The following SLC4A4 variants were observed in gnomAD, a reference collection of about 807,000 sequenced individuals.
SLC4A4 encodes solute carrier family 4 member 4.
A neutral mutation model predicts 111.5 loss-of-function variants in SLC4A4; 27 were observed. That is an observed-to-expected ratio of 0.24 (90% CI 0.18 to 0.33). SLC4A4 has a LOEUF of 0.33. Among genes scored for constraint, SLC4A4 ranks in the 10% least tolerant of loss-of-function variants. The probability of loss-of-function intolerance (pLI) is 1.00; values close to 1 mark genes in which losing one functional copy is unlikely to be tolerated. For synonymous variants in SLC4A4, 443 were observed against 463.4 expected, an observed-to-expected ratio of 0.96 and a Z score of 0.57; for missense variants, 909 against 1,315.5, an observed-to-expected ratio of 0.69 and a Z score of 4.78.
At chr4:71,213,727 T>C (rs554088002) in intron 1 of SLC4A4, among the ~76,000 whole-genome samples, 1 of 152,128 alleles carries the variant, frequency 6.6e-6, no homozygotes, top group Non-Finnish European at 1.5e-5. Flanking sequence ...AATTAGGTTA[T>C]GAGGGTGGAG....
intron 1 of SLC4A4, among the ~76,000 whole-genome samples, chr4:71,193,394 C>T (rs938530585): frequency 2.0e-5 from 3 of 152,168 alleles, no homozygotes; most frequent in East Asian, 1.9e-4. Context: ...CTCCTGACCT[C>T]GTGATCCGCC....
chr4:71,419,248 C>T (rs1722131934), intron 7 of SLC4A4, among the ~76,000 whole-genome samples: 1 of 152,228 alleles, frequency 6.6e-6, no homozygotes, highest in Non-Finnish European at 1.5e-5. Context: ...ACATTTAAGT[C>T]TGCAGAGGTT....
chr4:71,184,582 C>T (rs1745394281), upstream of SLC4A4, among the ~76,000 whole-genome samples: 1 of 152,174 alleles, frequency 6.6e-6, no homozygotes, highest in African/African-American at 2.4e-5. Flanking sequence ...CTTACTTACA[C>T]CATTTTTCTA....
intron 3 of SLC4A4, among the ~76,000 whole-genome samples, chr4:71,309,204 G>A (rs1308203345): frequency 6.6e-6 from 1 of 152,218 alleles, no homozygotes; most frequent in Non-Finnish European, 1.5e-5. Context: ...AAAGGCAAGA[G>A]CCCCAGTCAG....
intron 18 of SLC4A4, among the ~76,000 whole-genome samples, chr4:71,537,319 C>G (rs74916794): frequency 7.7e-5 from 1 of 12,978 alleles, no homozygotes; most frequent in Non-Finnish European, 3.0e-4. Context: ...ACACATATGT[C>G]TACATATATG....
At chr4:71,397,901 G>A (rs1307869452) in intron 7 of SLC4A4, among the ~76,000 whole-genome samples, 2 of 152,178 alleles carry the variant, frequency 1.3e-5, no homozygotes, top group Non-Finnish European at 2.9e-5. Flanking sequence ...AGCAATAGTT[G>A]TCTCAGCTTT....
Position 71,171,404 on chromosome 4 carries a change from A to G in SLC4A4, c.-1-65172A>G, listed in dbSNP as rs553249434. Among the ~76,000 whole-genome samples, 37 of 152,004 alleles carry G rather than the reference A, an allele frequency of 2.4e-4. No individual in the cohort carries two copies. In the East Asian group the frequency reaches 6.4e-3, roughly 26 times the overall value. On this transcript the variant is annotated intron_variant, in intron 2 of 26. Transcript: ENST00000649996. The stretch of plus-strand genomic sequence containing the variant: ...GCATAGGCCTAAGCCTAGTTACAGA[A>G]CCCTGGCTTCGTAACTTTGGTACTT...
chr4:71,068,615 C>T (rs1367579344), intron 1 of SLC4A4, among the ~76,000 whole-genome samples: 3 of 150,872 alleles, frequency 2.0e-5, no homozygotes, highest in African/African-American at 4.9e-5. Context: ...GCTAGGGTGG[C>T]GGGATCACCG....
At chr4:71,349,226 T>C (rs1026200618) in intron 4 of SLC4A4, among the ~76,000 whole-genome samples, 2 of 152,208 alleles carry the variant, frequency 1.3e-5, no homozygotes, top group Non-Finnish European at 2.9e-5. Context: ...ATATCTCATA[T>C]TATCAGAATA....
At chr4:71,299,781 G>A (rs116384027) in intron 3 of SLC4A4, among the ~76,000 whole-genome samples, 93 of 152,318 alleles carry the variant, frequency 6.1e-4, no homozygotes, top group African/African-American at 2.2e-3. Context: ...CTGCATGAGA[G>A]TGGGAGGTTG....
At chr4:71,353,995 A>AT (rs1175357517) in intron 5 of SLC4A4, among the ~76,000 whole-genome samples, 2 of 152,076 alleles carry the variant, frequency 1.3e-5, no homozygotes, top group Admixed American at 6.5e-5. Context: ...TTTCTACTTG[A>AT]TTTTTTCACG....
chr4:71,302,403 C>T (rs565562493), intron 3 of SLC4A4, among the ~76,000 whole-genome samples: 3 of 152,278 alleles, frequency 2.0e-5, no homozygotes, highest in African/African-American at 7.2e-5. Flanking sequence ...AATTCTGTGA[C>T]TCTGATTTTT....
intron 7 of SLC4A4, among the ~76,000 whole-genome samples, chr4:71,422,856 C>G (rs1658217161): frequency 6.6e-6 from 1 of 152,128 alleles, no homozygotes; most frequent in Non-Finnish European, 1.5e-5. Context: ...TAAGAGCTAT[C>G]TATGACAAAC....
chr4:71,341,223 G>A (rs1447650855), intron 4 of SLC4A4, among the ~76,000 whole-genome samples: 1 of 152,168 alleles, frequency 6.6e-6, no homozygotes, highest in Non-Finnish European at 1.5e-5. Context: ...GTGAGCAAAT[G>A]AGGATCTTAC....
chr4:71,497,807 C>T (rs759891134), intron 16 of SLC4A4, 115 bp downstream of exon 16: 55 of 864,888 alleles, frequency 6.4e-5, no homozygotes, highest in East Asian at 1.0e-4. Context: ...TAATTTTGTG[C>T]GTTTTAAACA....
At chr4:71,502,380 T>C (rs1298369522) in intron 16 of SLC4A4, among the ~76,000 whole-genome samples, 1 of 152,194 alleles carries the variant, frequency 6.6e-6, no homozygotes, top group Non-Finnish European at 1.5e-5. Context: ...ATTTTGAGTT[T>C]AGTTTGTTTT....
chr4:71,125,524 C>A (rs927998110), intron 2 of SLC4A4, among the ~76,000 whole-genome samples: 6 of 152,202 alleles, frequency 3.9e-5, no homozygotes, highest in South Asian at 2.1e-4. Context: ...CACGCCACAG[C>A]CCTCCAGCCT....
rs373893341 is a variant in SLC4A4, at chr4:71,220,043, C to T, written c.-1-16533C>T. Among the ~76,000 whole-genome samples the T allele has an allele frequency of 1.2e-3, 179 of 152,234 alleles. 1 individual carries two copies. Among genetic ancestry groups the T allele is most frequent in the African/African-American group, 4.1e-3 (170 of 41,520 alleles). On this transcript the variant is annotated intron_variant, in intron 1 of 25. Transcript: ENST00000264485. ...ATTCAGAATATTACATAAACCTAGT[C>T]GATAAAGTAGCAGCACGGTTTGAGA...
At chr4:71,405,851 G>A (rs1350337849) in intron 7 of SLC4A4, among the ~76,000 whole-genome samples, 1 of 152,148 alleles carries the variant, frequency 6.6e-6, no homozygotes, top group Admixed American at 6.6e-5. Flanking sequence ...TTAAAGTATA[G>A]AGATTAAAAC....
Sources: allele counts gnomAD v4.1 joint callset (sites outside exome capture counted in the v4.1 genomes callset), GRCh38; gene constraint gnomAD v4.1.1; transcripts MANE v1.5; gene names NCBI Gene and HGNC (gene_info 2026-07-23, HGNC 2026-07-21).